The following DLGAP2 variants were observed in gnomAD, a reference collection of about 807,000 sequenced individuals.
The protein encoded by DLGAP2 is DLG associated protein 2, also known as disks large-associated protein 2.
A neutral mutation model predicts 100.3 loss-of-function variants in DLGAP2; 26 were observed. That is an observed-to-expected ratio of 0.26 (90% confidence interval 0.19 to 0.36). The LOEUF (loss-of-function observed/expected upper bound fraction) is 0.36. DLGAP2 is among the 10% of genes least tolerant of loss of function. DLGAP2 has a pLI of 1.00. For synonymous variants in DLGAP2, 886 were observed against 630.1 expected (o/e 1.41, Z -6.08); for missense variants, 1,858 against 1,453.2 (o/e 1.28, Z -4.53).
chr8:1,474,445 G>T (rs1234198387), intron 3 of DLGAP2, among the ~76,000 whole-genome samples: 1 of 152,180 alleles, frequency 6.6e-6, no homozygotes, highest in Non-Finnish European at 1.5e-5. Flanking sequence ...GTTCTTCAAG[G>T]AATCTCCTCA....
At chr8:946,197 G>T (rs999433249) in intron 2 of DLGAP2, among the ~76,000 whole-genome samples, 1 of 151,902 alleles carries the variant, frequency 6.6e-6, no homozygotes, top group African/African-American at 2.4e-5. Flanking sequence ...ATTGTCATCT[G>T]ATCTCCTGGG....
intron 2 of DLGAP2, among the ~76,000 whole-genome samples, chr8:1,070,258 C>T (rs1461140518): frequency 3.9e-5 from 6 of 152,134 alleles, no homozygotes; most frequent in African/African-American, 1.4e-4. Context: ...GATCTTTTTT[C>T]ATGGCGTGGG....
At chr8:892,462 G>A (rs572985170) in intron 1 of DLGAP2, among the ~76,000 whole-genome samples, 7 of 152,310 alleles carry the variant, frequency 4.6e-5, no homozygotes, top group Non-Finnish European at 7.4e-5. Flanking sequence ...AGACCTTGCT[G>A]TGTGACTCCA....
chr8:1,308,814 C>A (rs545833718), intron 3 of DLGAP2, among the ~76,000 whole-genome samples: 1 of 152,310 alleles, frequency 6.6e-6, no homozygotes, highest in East Asian at 1.9e-4. Context: ...CATGAGCCAC[C>A]GTGCCTGGCC....
intron 3 of DLGAP2, among the ~76,000 whole-genome samples, chr8:1,365,412 A>G (rs888967273): frequency 1.3e-4 from 20 of 152,112 alleles, no homozygotes; most frequent in Non-Finnish European, 1.9e-4. Flanking sequence ...CTCCTCTCCA[A>G]CCGTGGAGGG....
chr8:898,114 G>A (rs763204957), intron 1 of DLGAP2, among the ~76,000 whole-genome samples: 4 of 152,304 alleles, frequency 2.6e-5, no homozygotes, highest in Middle Eastern at 3.4e-3. Flanking sequence ...TACGATACCC[G>A]TACAAGTGGG....
chr8:1,487,581 T>A (rs902624427), intron 3 of DLGAP2, among the ~76,000 whole-genome samples: 1 of 152,208 alleles, frequency 6.6e-6, no homozygotes, highest in African/African-American at 2.4e-5. Context: ...TGGTTTGCCC[T>A]GTGAGGTTGT....
chr8:940,170 G>A (rs911891820), intron 2 of DLGAP2, among the ~76,000 whole-genome samples: 1 of 152,034 alleles, frequency 6.6e-6, no homozygotes, highest in Non-Finnish European at 1.5e-5. Flanking sequence ...GTTTTACTAC[G>A]TATTTGATGA....
intron 2 of DLGAP2, among the ~76,000 whole-genome samples, chr8:971,583 C>T (rs1334107508): frequency 1.3e-5 from 2 of 152,204 alleles, no homozygotes; most frequent in East Asian, 3.8e-4. Flanking sequence ...AGAGAAGACT[C>T]TGGAGAGCCC....
At chr8:1,091,142 G>C (rs768742963) in intron 2 of DLGAP2, among the ~76,000 whole-genome samples, 11 of 152,128 alleles carry the variant, frequency 7.2e-5, no homozygotes, top group Non-Finnish European at 7.3e-5. Flanking sequence ...GAAGCACACA[G>C]CCCACCCCGG....
At chr8:1,610,068 A>G (rs951918900) in intron 6 of DLGAP2, among the ~76,000 whole-genome samples, 2 of 151,304 alleles carry the variant, frequency 1.3e-5, no homozygotes, top group Non-Finnish European at 1.5e-5. Flanking sequence ...TCTCCACCCC[A>G]AATCAACAGA....
At chr8:1,143,512 A>G (rs1796556349) in intron 2 of DLGAP2, among the ~76,000 whole-genome samples, 1 of 152,186 alleles carries the variant, frequency 6.6e-6, no homozygotes, top group Non-Finnish European at 1.5e-5. Context: ...ACAGGAACCC[A>G]CGGGTGTGGT....
At chr8:890,283 G>A (rs531779477) in intron 1 of DLGAP2, among the ~76,000 whole-genome samples, 11 of 152,274 alleles carry the variant, frequency 7.2e-5, no homozygotes, top group South Asian at 6.2e-4. Context: ...ACGTGCACGC[G>A]CATGGCAGAG....
intron 1 of DLGAP2, among the ~76,000 whole-genome samples, chr8:758,559 T>A (rs1820978349): frequency 6.6e-6 from 1 of 152,136 alleles, no homozygotes; most frequent in African/African-American, 2.4e-5. Context: ...GTTAAAGACT[T>A]CCTTTTCTGA....
intron 3 of DLGAP2, among the ~76,000 whole-genome samples, chr8:1,415,177 G>A (rs1169303150): frequency 6.6e-6 from 1 of 152,194 alleles, no homozygotes; most frequent in Non-Finnish European, 1.5e-5. Flanking sequence ...CTGCCAACCT[G>A]TGGGCTGTGT....
chr8:1,225,740 A>T (rs1436996807), intron 2 of DLGAP2, among the ~76,000 whole-genome samples: 1 of 152,260 alleles, frequency 6.6e-6, no homozygotes, highest in Non-Finnish European at 1.5e-5. Flanking sequence ...AGGACAGAAC[A>T]TCTCAGTTAG....
At chr8:1,323,767 A>T (rs905140986) in intron 3 of DLGAP2, among the ~76,000 whole-genome samples, 1 of 152,130 alleles carries the variant, frequency 6.6e-6, no homozygotes, top group African/African-American at 2.4e-5. Context: ...CACCCAGGAC[A>T]CCTTTTTATT....
At position 1,701,155 on chromosome 8, in the gene DLGAP2, C is replaced by T. The variant is rs369690715; in HGVS notation, c.2950-33C>T. The T allele has an allele frequency of 2.5e-3, 3,852 of 1,542,774 alleles. 12 individuals are homozygous for T. The highest frequency in any genetic ancestry group is 2.6e-3 in the Non-Finnish European group (2,916 of 1,143,018). On this transcript the variant is annotated intron_variant, in intron 14 of 14. Transcript: ENST00000637795. ...CGAGCTGCTGGGACCCTCCTCCGAG[C>T]ACCTGCCAACGGTGACTTGCGCTGC...
chr8:762,130 T>G (rs1821103774), intron 1 of DLGAP2, among the ~76,000 whole-genome samples: 1 of 152,220 alleles, frequency 6.6e-6, no homozygotes, highest in South Asian at 2.1e-4. Flanking sequence ...GCAAAGTTTC[T>G]CATGCTCACG....
Sources: allele counts gnomAD v4.1 joint callset (sites outside exome capture counted in the v4.1 genomes callset), GRCh38; gene constraint gnomAD v4.1.1; transcripts MANE v1.5; gene names NCBI Gene and HGNC (gene_info 2026-07-23, HGNC 2026-07-21).